PRUNE2: variants seen among roughly 807,000 people sequenced by gnomAD.
The protein encoded by PRUNE2 is prune homolog 2 with BCH domain.
Under a neutral mutation model 252.0 loss-of-function variants are expected in PRUNE2, and 164 were observed. The ratio of observed to expected loss-of-function variants is 0.65; its 90% CI spans 0.57 to 0.74. PRUNE2 has a LOEUF of 0.74. PRUNE2 is among the 30% of genes least tolerant of loss of function. The probability of loss-of-function intolerance (pLI) is 0.00; values close to 1 mark genes in which losing one functional copy is unlikely to be tolerated. For missense variants in PRUNE2, 3,495 were observed against 3,711.0 expected, an observed-to-expected ratio of 0.94 and a Z score of 1.51; for synonymous variants, 1,292 against 1,350.2, an observed-to-expected ratio of 0.96 and a Z score of 0.94.
chr9:76,754,960 G>C (rs1438286923), intron 6 of PRUNE2, among the ~76,000 whole-genome samples: 3 of 87,660 alleles, frequency 3.4e-5, no homozygotes, highest in African/African-American at 4.8e-5. Flanking sequence ...GTGAGACTCG[G>C]TCTCAAAAAA....
chr9:76,634,700 C>A (rs2132517813), intron 15 of PRUNE2, among the ~76,000 whole-genome samples: 1 of 152,280 alleles, frequency 6.6e-6, no homozygotes, highest in Non-Finnish European at 1.5e-5. Context: ...CTAAGTCATG[C>A]TGGATTCATA....
At position 76,710,610 on chromosome 9, in the gene PRUNE2, A is replaced by G. The variant is rs367769341; in HGVS notation, c.1664T>C (p.Leu555Ser). The G allele has an allele frequency of 6.2e-7, 1 of 1,613,558 alleles. No homozygotes were observed. Among genetic ancestry groups the G allele is most frequent in the African/African-American group, 1.3e-5 (1 of 74,946 alleles). ...AAGGCTATCTTTGCCAGCCCCTGAC[A>G]AAAGTGAACTGGATGAATAATTAGA... ...NMSNYSSSSL[L>S]SGAGKDSLVE... The change falls in exon 8 of 19, where the codon TTG (leucine) becomes TCG (serine). Residue 555 changes from leucine (L) to serine (S), a missense_variant. By Grantham distance (145) the Leu-to-Ser change is moderately radical (BLOSUM62 -2). Transcript: ENST00000376718.
chr9:76,632,033 A>T (rs977195631), intron 15 of PRUNE2, among the ~76,000 whole-genome samples: 3 of 152,192 alleles, frequency 2.0e-5, no homozygotes, highest in Non-Finnish European at 4.4e-5. Context: ...CATTTGCTTT[A>T]TCCAATCCAC....
intron 6 of PRUNE2, among the ~76,000 whole-genome samples, chr9:76,714,004 T>TTCTAAAA (rs1207862674): frequency 4.5e-4 from 68 of 152,344 alleles, no homozygotes; most frequent in Middle Eastern, 3.4e-3. Context: ...TCTAAAATAT[T>TTCTAAAA]TATTCAGATG....
At chr9:76,630,879 G>A (rs889356397) in intron 15 of PRUNE2, among the ~76,000 whole-genome samples, 4 of 152,200 alleles carry the variant, frequency 2.6e-5, no homozygotes, top group Non-Finnish European at 4.4e-5. Context: ...GTATATCCAA[G>A]GGTCTAACAT....
intron 1 of PRUNE2, among the ~76,000 whole-genome samples, chr9:76,870,849 T>G (rs1011729146): frequency 6.6e-6 from 1 of 150,932 alleles, no homozygotes; most frequent in Non-Finnish European, 1.5e-5. Context: ...GAAACCTAAG[T>G]GGCAACAACC....
chr9:76,879,209 T>C (rs1474439474), intron 1 of PRUNE2, among the ~76,000 whole-genome samples: 1 of 152,244 alleles, frequency 6.6e-6, no homozygotes, highest in Non-Finnish European at 1.5e-5. Context: ...ATGTGGTCTG[T>C]ATGAGAGAGA....
Position 76,703,624 on chromosome 9 carries a change from G to T in PRUNE2, c.7989C>A (p.Phe2663Leu). 6.2e-7 allele frequency: 1 copy of T among 1,612,616 alleles called. No homozygotes were observed. Among genetic ancestry groups the T allele is most frequent in the Non-Finnish European group, 8.5e-7 (1 of 1,179,880 alleles). ...PGWSGKTVEP[F>L]SELGLGEGPQ... ...GACCCTCACCCAAGCCGAGTTCAGA[G>T]AACGGCTCCACAGTCTTGCCAGACC... Residue 2663 changes from phenylalanine (F) to leucine (L), a missense_variant, in exon 9 of 19, where the codon TTC becomes TTA. Coordinates refer to ENST00000376718, the MANE Select transcript of PRUNE2 (RefSeq NM_015225.3).
At chr9:76,893,987 AG>A (rs2062652034) in intron 1 of PRUNE2, among the ~76,000 whole-genome samples, 1 of 152,220 alleles carries the variant, frequency 6.6e-6, no homozygotes, top group Non-Finnish European at 1.5e-5. Flanking sequence ...AAACAATAGA[AG>A]AAAGATTCAC....
chr9:76,615,910 C>T (rs1829378448), intron 18 of PRUNE2, among the ~76,000 whole-genome samples: 1 of 151,842 alleles, frequency 6.6e-6, no homozygotes, highest in Admixed American at 6.6e-5. Context: ...GCTGGGATTA[C>T]AGGCAGACGC....
chr9:76,894,388 G>A (rs112406862), intron 1 of PRUNE2, among the ~76,000 whole-genome samples: 5 of 152,304 alleles, frequency 3.3e-5, no homozygotes, highest in South Asian at 2.1e-4. Context: ...GGGACAGAAC[G>A]GGATTTGCCC....
intron 1 of PRUNE2, among the ~76,000 whole-genome samples, chr9:76,903,393 T>C (rs1399068886): frequency 6.6e-6 from 1 of 151,432 alleles, no homozygotes; most frequent in Non-Finnish European, 1.5e-5. Flanking sequence ...AAAACCAAAC[T>C]AGTAATTAGG....
chr9:76,857,555 G>A (rs979499735), intron 1 of PRUNE2, among the ~76,000 whole-genome samples: 3 of 152,262 alleles, frequency 2.0e-5, no homozygotes, highest in African/African-American at 7.2e-5. Flanking sequence ...ATTCCTACCA[G>A]TAACCACTGA....
intron 9 of PRUNE2, among the ~76,000 whole-genome samples, chr9:76,700,986 T>C (rs184847749): frequency 3.7e-4 from 56 of 152,342 alleles, no homozygotes; most frequent in Admixed American, 1.1e-3. Flanking sequence ...TACACTGCTA[T>C]CTACCTTTTT....
chr9:76,879,480 A>G (rs945532575), intron 1 of PRUNE2, among the ~76,000 whole-genome samples: 1 of 152,248 alleles, frequency 6.6e-6, no homozygotes, highest in Non-Finnish European at 1.5e-5. Flanking sequence ...TTAGCAAAAT[A>G]GATTAAAACC....
At chr9:76,619,431 T>C (rs770342022) in intron 17 of PRUNE2, 44 bp from the exon 18 acceptor site, 5 of 1,365,710 alleles carry the variant, frequency 3.7e-6, no homozygotes, top group Non-Finnish European at 5.2e-6. Flanking sequence ...ATTTCCCCAC[T>C]GTCACCACTG....
intron 1 of PRUNE2, among the ~76,000 whole-genome samples, chr9:76,905,305 G>A (rs2063420390): frequency 6.6e-6 from 1 of 152,166 alleles, no homozygotes; most frequent in African/African-American, 2.4e-5. Flanking sequence ...CCGGGAGAAC[G>A]ATGATCTGGT....
chr9:76,874,136 G>C (rs2061362081), intron 1 of PRUNE2, among the ~76,000 whole-genome samples: 1 of 152,100 alleles, frequency 6.6e-6, no homozygotes, highest in African/African-American at 2.4e-5. Flanking sequence ...GGCTTTGGTG[G>C]CTCCATTATT....
At position 76,666,405 on chromosome 9, in the gene PRUNE2, G is replaced by A. The variant is rs564221398; in HGVS notation, c.8277-10903C>T. Among the ~76,000 whole-genome samples the A allele has an allele frequency of 7.2e-5, 11 of 152,294 alleles. No homozygotes were observed. In the South Asian group the frequency reaches 1.9e-3, roughly 26 times the overall value. ...TGTGATGCTGTGCTTCATTGGCCAC[G>A]CTCCTAGTCCGCTTTCATGTTCCAT... is the stretch of plus-strand genomic sequence containing the variant. On this transcript the variant is annotated intron_variant, in intron 9 of 18. Coordinates refer to ENST00000376718, the MANE Select transcript of PRUNE2 (RefSeq NM_015225.3).
Sources: gnomAD v4.1 joint callset for allele counts (sites outside exome capture counted in the v4.1 genomes callset) on GRCh38, gnomAD v4.1.1 for gene constraint, MANE v1.5 for transcripts, NCBI Gene and HGNC (gene_info 2026-07-23, HGNC 2026-07-21) for gene names.